The following SGK3 variants were observed in gnomAD, a reference collection of about 807,000 sequenced individuals.
SGK3 encodes serine/threonine-protein kinase Sgk3.
SGK3 carries 47 observed loss-of-function variants against 68.5 expected under a neutral mutation model. The ratio of observed to expected loss-of-function variants is 0.69; its 90% CI spans 0.54 to 0.87. The LOEUF (loss-of-function observed/expected upper bound fraction) is 0.87. Among genes scored for constraint, SGK3 ranks in the 40% least tolerant of loss-of-function variants. The pLI is 0.00. For synonymous variants in SGK3, 181 were observed against 189.1 expected, an observed-to-expected ratio of 0.96 and a Z score of 0.35; for missense variants, 479 against 575.5, an observed-to-expected ratio of 0.83 and a Z score of 1.72.
At chr8:66,790,410 G>A (rs982741377) in intron 1 of SGK3, among the ~76,000 whole-genome samples, 1 of 152,198 alleles carries the variant, frequency 6.6e-6, no homozygotes, top group African/African-American at 2.4e-5. Flanking sequence ...TTTCAGCAAG[G>A]AAGTTCAGCT....
At chr8:66,778,457 C>T (rs1306326611) in intron 1 of SGK3, among the ~76,000 whole-genome samples, 1 of 152,084 alleles carries the variant, frequency 6.6e-6, no homozygotes, top group African/African-American at 2.4e-5. Flanking sequence ...CCACCACGCT[C>T]GGCTAATTTT....
At chr8:66,803,848 C>T (rs1426408398) in intron 3 of SGK3, among the ~76,000 whole-genome samples, 6 of 151,342 alleles carry the variant, frequency 4.0e-5, no homozygotes, top group Non-Finnish European at 7.4e-5. Context: ...TTTTTAGAGA[C>T]GAAGTTTCAC....
chr8:66,828,595 CATTA>C (rs1304631461), intron 6 of SGK3, 55 bp from the exon 7 acceptor site: 23 of 1,601,156 alleles, frequency 1.4e-5, no homozygotes, highest in African/African-American at 2.7e-5. Flanking sequence ...TATTTCAAAA[CATTA>C]ATTAATTTTT....
At chr8:66,728,312 T>A (rs1805038608) in intron 1 of SGK3, among the ~76,000 whole-genome samples, 1 of 152,120 alleles carries the variant, frequency 6.6e-6, no homozygotes, top group African/African-American at 2.4e-5. Flanking sequence ...TGTTGTAGCA[T>A]GTGGTACTTC....
chr8:66,792,329 CAAAAA>C (rs1215954300), intron 1 of SGK3, among the ~76,000 whole-genome samples: 1 of 53,544 alleles, frequency 1.9e-5, no homozygotes. Context: ...AACTCCATCT[CAAAAA>C]AAAAAAAAAA....
At chr8:66,732,627 C>T (rs1234580200) in intron 1 of SGK3, among the ~76,000 whole-genome samples, 2 of 152,236 alleles carry the variant, frequency 1.3e-5, no homozygotes, top group South Asian at 2.1e-4. Context: ...GGTGGATCAC[C>T]TGAGGTCAGG....
chr8:66,856,670 A>G (rs908073236), intron 16 of SGK3, among the ~76,000 whole-genome samples: 2 of 152,200 alleles, frequency 1.3e-5, no homozygotes, highest in African/African-American at 4.8e-5. Context: ...AAGTCAGAGA[A>G]CATTGCCATC....
chr8:66,778,896 C>T (rs1017702429), intron 1 of SGK3, among the ~76,000 whole-genome samples: 6 of 152,170 alleles, frequency 3.9e-5, no homozygotes, highest in Non-Finnish European at 8.8e-5. Context: ...TGAGCAATAT[C>T]TGCAGCTTAG....
At chr8:66,828,760 G>T in intron 7 of SGK3, 57 bp downstream of exon 7, 1 of 1,588,198 alleles carries the variant, frequency 6.3e-7, no homozygotes. Flanking sequence ...GATCTTTTTT[G>T]AGCGTATGCA....
chr8:66,825,548 C>G (rs189994253), intron 6 of SGK3, among the ~76,000 whole-genome samples: 2 of 152,198 alleles, frequency 1.3e-5, no homozygotes, highest in East Asian at 3.9e-4. Context: ...CCAGGATGGT[C>G]TCCATCTCCT....
Position 66,821,670 on chromosome 8 carries a change from G to A in SGK3, c.330-702G>A, listed in dbSNP as rs1185302703. Among the ~76,000 whole-genome samples the A allele has an allele frequency of 9.9e-4, 131 of 132,834 alleles. 1 individual carries two copies. The highest frequency in any genetic ancestry group is 3.6e-3 in the African/African-American group (127 of 35,346). The allele number at this position is 132,834 out of a possible 152,430, so 87.1% of individuals were successfully genotyped here. A position where few individuals can be genotyped will look rare whatever the true frequency, so the allele number is the denominator to read the frequency against. On this transcript the variant is annotated intron_variant, in intron 5 of 16. Coordinates refer to ENST00000521198, the MANE Select transcript of SGK3 (RefSeq NM_001033578.3). ...TGGGACTACAGGTGTCCGCCACCAC[G>A]CCCGGCTATTTTTTTTTTTTTTTTT...
At chr8:66,798,961 T>A (rs544302119) in intron 3 of SGK3, among the ~76,000 whole-genome samples, 5 of 152,366 alleles carry the variant, frequency 3.3e-5, no homozygotes, top group Non-Finnish European at 7.3e-5. Context: ...TTGCCTACTG[T>A]AAGCTTTATG....
chr8:66,786,001 C>T (rs186037040), intron 1 of SGK3, among the ~76,000 whole-genome samples: 30 of 152,276 alleles, frequency 2.0e-4, no homozygotes, highest in Admixed American at 3.9e-4. Context: ...GTTTTAATCC[C>T]CATGAATGAC....
At chr8:66,749,269 T>G (rs1805741902) in intron 1 of SGK3, among the ~76,000 whole-genome samples, 1 of 152,122 alleles carries the variant, frequency 6.6e-6, no homozygotes, top group African/African-American at 2.4e-5. Flanking sequence ...ATCCCAGCAC[T>G]TTGGGAGGCC....
chr8:66,761,936 C>G (rs1806177462), intron 1 of SGK3, among the ~76,000 whole-genome samples: 1 of 152,140 alleles, frequency 6.6e-6, no homozygotes, highest in Non-Finnish European at 1.5e-5. Flanking sequence ...ACTCCCCTGC[C>G]CCTACACACA....
chr8:66,828,017 G>A (rs975164854), intron 6 of SGK3, among the ~76,000 whole-genome samples: 2 of 151,916 alleles, frequency 1.3e-5, no homozygotes, highest in Admixed American at 6.6e-5. Flanking sequence ...CCAGCTATTC[G>A]GGAGGCTGAG....
chr8:66,763,795 C>T (rs1806239468), intron 1 of SGK3, among the ~76,000 whole-genome samples: 1 of 152,050 alleles, frequency 6.6e-6, no homozygotes, highest in Non-Finnish European at 1.5e-5. Context: ...TATCTCCTTT[C>T]TCCTACATCA....
intron 1 of SGK3, among the ~76,000 whole-genome samples, chr8:66,760,528 G>A (rs1806133825): frequency 6.6e-6 from 1 of 151,506 alleles, no homozygotes; most frequent in Admixed American, 6.6e-5. Flanking sequence ...TAGAGACAGG[G>A]TTTCACCATG....
chr8:66,773,421 A>T (rs1806580988), intron 1 of SGK3, among the ~76,000 whole-genome samples: 1 of 152,148 alleles, frequency 6.6e-6, no homozygotes, highest in African/African-American at 2.4e-5. Context: ...CCAAGGGGAT[A>T]CCTTCTAAAA....
Sources: gnomAD v4.1 joint callset for allele counts (sites outside exome capture counted in the v4.1 genomes callset) on GRCh38, gnomAD v4.1.1 for gene constraint, MANE v1.5 for transcripts, NCBI Gene and HGNC (gene_info 2026-07-23, HGNC 2026-07-21) for gene names.